The following PITX3 variants were observed in gnomAD, a reference collection of about 807,000 sequenced individuals.
PITX3 encodes pituitary homeobox 3.
In PITX3, 4 loss-of-function variants were observed where a neutral mutation model predicts 14.2. That is an observed-to-expected ratio of 0.28 (90% CI 0.14 to 0.65). The LOEUF (loss-of-function observed/expected upper bound fraction) is 0.65. Among genes scored for constraint, PITX3 ranks in the 30% least tolerant of loss-of-function variants. The probability of loss-of-function intolerance (pLI) is 0.82; values close to 1 mark genes in which losing one functional copy is unlikely to be tolerated. For synonymous variants in PITX3, 194 were observed against 204.5 expected (o/e 0.95, Z 0.44); for missense variants, 358 against 426.8 (o/e 0.84, Z 1.42).
rs748945763 is a variant in PITX3 at position 102,231,805 on chromosome 10, G to T, written c.119-15C>A. 2.5e-6 allele frequency: 4 copies of T among 1,594,570 alleles called. No individual in the cohort carries two copies. The highest frequency in any genetic ancestry group is 1.3e-5 in the African/African-American group (1 of 74,746). Reference sequence around the variant, plus strand: ...CTTTTCTGAGTCTGGGGGCCAGGGTGGGGGCAGGTCACAGAGCGCCCAAGC... The same window carrying T: ...CTTTTCTGAGTCTGGGGGCCAGGGTTGGGGCAGGTCACAGAGCGCCCAAGC... On this transcript the variant is annotated splice_polypyrimidine_tract_variant and intron_variant, in intron 2 of 3. Coordinates refer to ENST00000370002, the MANE Select transcript of PITX3 (RefSeq NM_005029.4).
chr10:102,230,557 G>A lies in PITX3; in HGVS notation c.866C>T (p.Ala289Val). ...YPAVHGPPPA[A>V]NLSPCQYAVE... is the part of the protein sequence containing the mutation. ...GGCGTACTGGCACGGACTAAGGTTG[G>A]CTGCCGGGGGCGGCCCGTGCACAGC... The change falls in exon 4 of 4, where the codon GCC becomes GTC. Residue 289 changes from alanine (A) to valine (V), a missense_variant. By Grantham distance (64) the Ala-to-Val change is moderately conservative. Around this residue, in one of 3 missense-constraint regions of PITX3, gnomAD observed 236 missense variants for 250.2 expected, o/e 0.94. Coordinates refer to ENST00000370002, the MANE Select transcript of PITX3 (RefSeq NM_005029.4). The A allele has an allele frequency of 6.2e-7, 1 of 1,611,038 alleles. No individual in the cohort carries two copies.
At chr10:102,231,457 C>T in intron 3 of PITX3, 131 bp downstream of exon 3, 1 of 639,704 alleles carries the variant, frequency 1.6e-6, no homozygotes, top group Non-Finnish European at 2.7e-6. Context: ...CGTGGGGCTG[C>T]GGCCGGGAGC....
In PITX3 at chr10:102,231,106, G is replaced by C. The variant is rs1392294581; in HGVS notation, c.322-5C>G. 1 of 1,537,156 alleles carries C rather than the reference G, an allele frequency of 6.5e-7. No individual in the cohort carries two copies. The highest frequency in any genetic ancestry group is 8.7e-7 in the Non-Finnish European group (1 of 1,147,750). ...GCGCCGGTTCTTGAACCACACCTGC[G>C]GGCACGGGAGAAAGGCGGTCAGGGC... On this transcript the variant is annotated splice_polypyrimidine_tract_variant and splice_region_variant and intron_variant, in intron 3 of 3. Coordinates refer to ENST00000370002, the MANE Select transcript of PITX3 (RefSeq NM_005029.4).
At chr10:102,233,373 G>A (rs1280633799) in intron 1 of PITX3, among the ~76,000 whole-genome samples, 1 of 136,008 alleles carries the variant, frequency 7.4e-6, no homozygotes, top group Non-Finnish European at 1.5e-5. Flanking sequence ...GTATGATCTC[G>A]GCTCACTGCA....
At position 102,232,032 on chromosome 10, in the gene PITX3, A is replaced by C. The variant is rs1309531331; in HGVS notation, c.49T>G (p.Ser17Ala). Residue 17 changes from serine (S) to alanine (A), a missense_variant, in exon 2 of 4, where the codon TCG becomes GCG. This residue lies in a region of PITX3 where 72 missense variants were observed against 79.9 expected (regional missense o/e 0.90). Transcript: ENST00000370002. ...TGCGGAGTGCCAGCGTCTGACAGCG[A>C]CAGGGCAGGGCTCCGGGCCTCTGCC... Reference protein sequence around the residue: ...SEAEARSPALSLSDAGTPHPQ... With the variant: ...SEAEARSPALALSDAGTPHPQ... The C allele has an allele frequency of 6.2e-7, 1 of 1,607,668 alleles. No homozygotes were observed. The highest frequency in any genetic ancestry group is 2.2e-5 in the East Asian group (1 of 44,812).
At chr10:102,233,209 C>T (rs373801494) in intron 1 of PITX3, among the ~76,000 whole-genome samples, 7 of 151,678 alleles carry the variant, frequency 4.6e-5, no homozygotes, top group Admixed American at 6.6e-5. Flanking sequence ...GACTCAGCTG[C>T]GGTTCTAGCC....
chr10:102,234,689 C>T (rs2070339188), intron 1 of PITX3, among the ~76,000 whole-genome samples: 1 of 152,104 alleles, frequency 6.6e-6, no homozygotes, highest in Admixed American at 6.5e-5. Flanking sequence ...CAAATCATCC[C>T]CCTGACTTTT....
chr10:102,231,554 G>T (rs759273123), intron 3 of PITX3, 34 bp downstream of exon 3: 1 of 1,428,828 alleles, frequency 7.0e-7, no homozygotes, highest in African/African-American at 1.4e-5. Context: ...CGGAGGGCCC[G>T]CGCGGGTGCG....
In PITX3 at chr10:102,230,983, A is replaced by C. The variant is rs1564991418; in HGVS notation, c.440T>G (p.Val147Gly). Reference sequence around the variant, plus strand: ...GTTGCCGTACGAGTAGCCGGGGTACACCTCCTCGTAGGGCGGCACCAGCCC... The same window carrying C: ...GTTGCCGTACGAGTAGCCGGGGTACCCCTCCTCGTAGGGCGGCACCAGCCC... ...LGGLVPPYEE[V>G]YPGYSYGNWP... is the part of the protein sequence containing the mutation. The change falls in exon 4 of 4, where the codon GTG becomes GGG. Residue 147 changes from valine (V) to glycine (G), a missense_variant. By Grantham distance (109) the Val-to-Gly change is moderately radical. This residue lies in a region of PITX3 where 236 missense variants were observed against 250.2 expected (regional missense o/e 0.94). Transcript: ENST00000370002. 1.1e-5 allele frequency: 17 copies of C among 1,603,204 alleles called. No individual in the cohort carries two copies. The highest frequency in any genetic ancestry group is 1.4e-5 in the Non-Finnish European group (17 of 1,176,872).
At position 102,230,905 on chromosome 10, in the gene PITX3, G is replaced by A; in HGVS notation, c.518C>T (p.Ala173Val). 6.2e-7 allele frequency: 1 copy of A among 1,611,960 alleles called. No individual in the cohort carries two copies. Among genetic ancestry groups the A allele is most frequent in the Non-Finnish European group, 8.5e-7 (1 of 1,179,398 alleles). Residue 173 changes from alanine to valine, a missense_variant, in exon 4 of 4, where the codon GCC (alanine) becomes GTC (valine). This residue lies in a region of PITX3 where 236 missense variants were observed against 250.2 expected (regional missense o/e 0.94). Coordinates refer to ENST00000370002, the MANE Select transcript of PITX3 (RefSeq NM_005029.4). Reference protein sequence around the residue: ...PPLAAKTFPFAFNSVNVGPLA... With the variant: ...PPLAAKTFPFVFNSVNVGPLA... The stretch of plus-strand genomic sequence containing the variant: ...AGGCCCCACGTTGACCGAGTTGAAG[G>A]CGAATGGAAAGGTCTTGGCGGCGAG...
rs183603778 is a variant in PITX3, at chr10:102,232,614, G to A, written c.-12-522C>T. On this transcript the variant is annotated intron_variant, in intron 1 of 3. Coordinates refer to ENST00000370002, the MANE Select transcript of PITX3 (RefSeq NM_005029.4). ...GGAGAATCGCTTGAACCTGGGAGGCGGAGGTTGCAGCGAGCCGAGATGGTG... is the reference window on the plus strand; with the variant it reads ...GGAGAATCGCTTGAACCTGGGAGGCAGAGGTTGCAGCGAGCCGAGATGGTG... Among the ~76,000 whole-genome samples the A allele has an allele frequency of 1.4e-3, 217 of 152,272 alleles. 1 individual carries two copies. The highest frequency in any genetic ancestry group is 5.0e-3 in the African/African-American group (206 of 41,546).
At chr10:102,232,847 TCTC>T (rs1165034747) in intron 1 of PITX3, among the ~76,000 whole-genome samples, 2 of 152,216 alleles carry the variant, frequency 1.3e-5, no homozygotes, top group Non-Finnish European at 2.9e-5. Context: ...TGTTACCCAT[TCTC>T]CTTAGGACAG....
intron 3 of PITX3, 72 bp from the exon 4 acceptor site, chr10:102,231,173 C>T: frequency 7.2e-7 from 1 of 1,393,368 alleles, no homozygotes; most frequent in Non-Finnish European, 9.4e-7. Context: ...GCCACCCCGA[C>T]GGGGCTTCCA....
intron 1 of PITX3, among the ~76,000 whole-genome samples, chr10:102,236,673 A>C (rs2070403741): frequency 6.6e-6 from 1 of 152,228 alleles, no homozygotes; most frequent in Non-Finnish European, 1.5e-5. Context: ...ACCCCATGGC[A>C]ATAAGTCAGC....
At chr10:102,239,001 G>A (rs2070468708) in intron 1 of PITX3, among the ~76,000 whole-genome samples, 1 of 152,178 alleles carries the variant, frequency 6.6e-6, no homozygotes, top group East Asian at 1.9e-4. Context: ...CATCACTCCA[G>A]TTCTAAAAGG....
chr10:102,230,828 C>A lies in PITX3; in HGVS notation c.595G>T (p.Val199Leu). The A allele has an allele frequency of 6.3e-7, 1 of 1,578,106 alleles. No homozygotes were observed. Among genetic ancestry groups the A allele is most frequent in the Non-Finnish European group, 8.6e-7 (1 of 1,162,934 alleles). The change falls in exon 4 of 4, where the codon GTG (valine) becomes TTG (leucine). Residue 199 changes from valine (V) to leucine (L), a missense_variant. Val to Leu is a conservative substitution (Grantham distance 32). Coordinates refer to ENST00000370002, the MANE Select transcript of PITX3 (RefSeq NM_005029.4). ...CCCGGGGCAGCCGCGGCGGAGGGCA[C>A]CATGGAGGCGGCGATGGAGCTGGGT... ...SPPSSIAASMVPSAAAAPGTV... is the reference protein window; with the variant it reads ...SPPSSIAASMLPSAAAAPGTV...
chr10:102,235,853 G>A (rs2070380601), intron 1 of PITX3, among the ~76,000 whole-genome samples: 1 of 152,218 alleles, frequency 6.6e-6, no homozygotes, highest in Non-Finnish European at 1.5e-5. Context: ...TGAACACTCT[G>A]TCCTGAGCAT....
At position 102,230,810 on chromosome 10, in the gene PITX3, C is replaced by A; in HGVS notation, c.613G>T (p.Ala205Ser). The A allele has an allele frequency of 3.2e-6, 5 of 1,558,872 alleles. No homozygotes were observed. The highest frequency in any genetic ancestry group is 4.3e-6 in the Non-Finnish European group (5 of 1,152,330). ...CCAGGCCCTGGCACGGTGCCCGGGG[C>A]AGCCGCGGCGGAGGGCACCATGGAG... Reference protein sequence around the residue: ...AASMVPSAAAAPGTVPGPGAL... With the variant: ...AASMVPSAAASPGTVPGPGAL... Residue 205 changes from alanine (A) to serine (S), a missense_variant, in exon 4 of 4, where the codon GCC becomes TCC. Ala to Ser is a moderately conservative substitution (Grantham distance 99). This residue lies in a region of PITX3 where 236 missense variants were observed against 250.2 expected (regional missense o/e 0.94). Coordinates refer to ENST00000370002, the MANE Select transcript of PITX3 (RefSeq NM_005029.4).
At chr10:102,239,382 C>G (rs1013990326) in intron 1 of PITX3, among the ~76,000 whole-genome samples, 3 of 152,320 alleles carry the variant, frequency 2.0e-5, no homozygotes, top group Admixed American at 2.0e-4. Flanking sequence ...TTTCCCTGTT[C>G]CTTTCCTGAC....
Sources: allele counts gnomAD v4.1 joint callset (sites outside exome capture counted in the v4.1 genomes callset), GRCh38; gene constraint gnomAD v4.1.1; regional missense constraint gnomAD v4.1.1; transcripts MANE v1.5; gene names NCBI Gene and HGNC (gene_info 2026-07-23, HGNC 2026-07-21).